Variants in POU2F2 observed in about 807,000 individuals in gnomAD.
The protein encoded by POU2F2 is POU class 2 homeobox 2, also known as POU domain, class 2, transcription factor 2.
POU2F2 carries 14 observed loss-of-function variants against 63.5 expected under a neutral mutation model. The observed-to-expected ratio is 0.22, with a 90% CI of 0.15 to 0.34. The LOEUF (loss-of-function observed/expected upper bound fraction) is 0.34. POU2F2 is among the 10% of genes least tolerant of loss of function. The probability of loss-of-function intolerance (pLI) is 1.00; values close to 1 mark genes in which losing one functional copy is unlikely to be tolerated. For synonymous variants in POU2F2, 306 were observed against 348.6 expected (o/e 0.88, Z 1.36); for missense variants, 607 against 815.2 (o/e 0.74, Z 3.11).
At chr19:42,145,815 T>A (rs1408744889) in intron 2 of POU2F2, among the ~76,000 whole-genome samples, 2 of 152,040 alleles carry the variant, frequency 1.3e-5, no homozygotes, top group African/African-American at 4.8e-5. Context: ...ACACCTGTAA[T>A]CCCAGCTACT....
chr19:42,190,907 T>C (rs1599734619), intron 1 of POU2F2, among the ~76,000 whole-genome samples: 1 of 151,986 alleles, frequency 6.6e-6, no homozygotes, highest in Non-Finnish European at 1.5e-5. Context: ...TCTGGTTAAG[T>C]GTGTAACCTG....
At position 42,169,168 on chromosome 19, in the gene POU2F2, G is replaced by A. The variant is rs2034708044; in HGVS notation, c.-70+6795C>T. On this transcript the variant is annotated intron_variant, in intron 1 of 6. Transcript: ENST00000524801. The surrounding 1 kb of genome is among the most constrained non-coding windows in gnomAD (Gnocchi z 4.3). ...TTAGGGGGATGAGGCTAGCCTGGGG[G>A]GTGTTTGTGTGCTATAACTCAGGGC... is the stretch of plus-strand genomic sequence containing the variant. Among the ~76,000 whole-genome samples, 1 of 152,124 alleles carries A rather than the reference G, an allele frequency of 6.6e-6. No individual in the cohort carries two copies. The highest frequency in any genetic ancestry group is 2.1e-4 in the South Asian group (1 of 4,832).
At chr19:42,145,205 G>C (rs2034206041) in intron 2 of POU2F2, among the ~76,000 whole-genome samples, 1 of 152,186 alleles carries the variant, frequency 6.6e-6, no homozygotes, top group Non-Finnish European at 1.5e-5. Context: ...TTTTATTGTT[G>C]TCATTGCTAA....
intron 1 of POU2F2, among the ~76,000 whole-genome samples, chr19:42,189,332 G>A (rs1381228067): frequency 6.6e-6 from 1 of 152,182 alleles, no homozygotes; most frequent in African/African-American, 2.4e-5. Flanking sequence ...CAAGACTCAA[G>A]CTGCACCAGT....
In POU2F2 at chr19:42,086,507, G is replaced by A. The variant is rs530435355; in HGVS notation, c.*4750C>T. On this transcript the variant is annotated 3_prime_UTR_variant, in exon 15 of 15. Transcript: ENST00000692977. ...TGGTGAAAGACACCCACACCAGAAT[G>A]GGCTGCGCCAATCAGGTCTTTACCA... 6.6e-6 allele frequency: 1 copy of A among 152,262 alleles called. No homozygotes were observed. The highest frequency in any genetic ancestry group is 2.1e-4 in the South Asian group (1 of 4,820). The allele number at this position is 152,262 out of a possible 1,614,324, so 9.4% of individuals were successfully genotyped here. A position where few individuals can be genotyped will look rare whatever the true frequency, so the allele number is the denominator to read the frequency against.
intron 4 of POU2F2, among the ~76,000 whole-genome samples, chr19:42,120,587 C>A (rs1442654264): frequency 6.6e-6 from 1 of 152,138 alleles, no homozygotes; most frequent in East Asian, 1.9e-4. Flanking sequence ...GAGGTTTAGA[C>A]CCTTCGGCAC....
At chr19:42,118,550 A>G (rs1362412040) in intron 4 of POU2F2, among the ~76,000 whole-genome samples, 1 of 152,278 alleles carries the variant, frequency 6.6e-6, no homozygotes, top group Non-Finnish European at 1.5e-5. Flanking sequence ...ACCAGGCTTC[A>G]GCCTCCGCTC....
At chr19:42,099,967 G>T (rs996092913) in intron 5 of POU2F2, 146 bp from the exon 6 acceptor site, 5 of 672,288 alleles carry the variant, frequency 7.4e-6, no homozygotes, top group Non-Finnish European at 1.3e-5. Context: ...TCGTCCACTC[G>T]GTCTCTGAAT....
At chr19:42,144,475 C>A (rs548346619) in intron 2 of POU2F2, among the ~76,000 whole-genome samples, 31 of 152,364 alleles carry the variant, frequency 2.0e-4, no homozygotes, top group African/African-American at 7.2e-4. Context: ...TGGGCAAGCG[C>A]CTCTTCCACA....
In POU2F2 at chr19:42,169,511, G is replaced by A. The variant is rs1270174588; in HGVS notation, c.-70+6452C>T. Among the ~76,000 whole-genome samples, 1 of 152,118 alleles carries A rather than the reference G, an allele frequency of 6.6e-6. No homozygotes were observed. The highest frequency in any genetic ancestry group is 6.5e-5 in the Admixed American group (1 of 15,274). ...TGGACAAATATACAAACGTCTATGTGCATCTGCAGGGTTTAGCATCTATGA... is the reference window on the plus strand; with the variant it reads ...TGGACAAATATACAAACGTCTATGTACATCTGCAGGGTTTAGCATCTATGA... On this transcript the variant is annotated intron_variant, in intron 1 of 6. Transcript: ENST00000524801. The surrounding 1 kb of genome is among the most constrained non-coding windows in gnomAD (Gnocchi z 4.3).
intron 1 of POU2F2, among the ~76,000 whole-genome samples, chr19:42,165,363 G>A (rs1466474841): frequency 6.6e-6 from 1 of 152,218 alleles, no homozygotes; most frequent in Non-Finnish European, 1.5e-5. Context: ...GAAACTGGCT[G>A]AGGGCTTACA....
intron 1 of POU2F2, among the ~76,000 whole-genome samples, chr19:42,167,129 G>A (rs2034668222): frequency 6.6e-6 from 1 of 152,122 alleles, no homozygotes; most frequent in Non-Finnish European, 1.5e-5. Context: ...GACCTAAGAA[G>A]GAAAATAAAG....
At chr19:42,122,629 C>G (rs1460149701) in intron 1 of POU2F2, 53 bp from the exon 2 acceptor site, 1 of 1,435,530 alleles carries the variant, frequency 7.0e-7, no homozygotes, top group African/African-American at 1.4e-5. Context: ...TCCAGGAGGG[C>G]TCTCGGGCCC....
chr19:42,100,552 C>T (rs543636747), intron 5 of POU2F2, among the ~76,000 whole-genome samples: 1 of 151,856 alleles, frequency 6.6e-6, no homozygotes, highest in Admixed American at 6.5e-5. Flanking sequence ...AGGCGTTTAA[C>T]ACCAGCCTGG....
intron 5 of POU2F2, 109 bp from the exon 6 acceptor site, chr19:42,099,930 G>A (rs532063001): frequency 1.2e-6 from 1 of 846,890 alleles, no homozygotes; most frequent in East Asian, 2.7e-5. Flanking sequence ...TGCTCCACAT[G>A]GCGATCTGGC....
At position 42,095,366 on chromosome 19, in the gene POU2F2, T is replaced by G. The variant is rs1407320665; in HGVS notation, c.1117A>C (p.Lys373Gln). The G allele has an allele frequency of 6.2e-7, 1 of 1,613,914 alleles. No individual in the cohort carries two copies. The highest frequency in any genetic ancestry group is 1.3e-5 in the African/African-American group (1 of 74,910). The change falls in exon 11 of 15, where the codon AAG becomes CAG. Residue 373 changes from lysine (K) to glutamine (Q), a missense_variant. Lys to Gln is a moderately conservative substitution (Grantham distance 53). Transcript: ENST00000692977. The surrounding 1 kb of genome is among the most constrained non-coding windows in gnomAD (Gnocchi z 7.1). ...CTGCAGGGGTTGATGCGTTTCTCCT[T>G]CTGGCGCCGGTTGCAGAACCAGACG... ...IRVWFCNRRQ[K>Q]EKRINPCSAA... is the part of the protein sequence containing the mutation.
intron 4 of POU2F2, 89 bp downstream of exon 4, chr19:42,122,037 G>T: frequency 7.5e-7 from 1 of 1,342,226 alleles, no homozygotes. Context: ...AAGGCTCAGT[G>T]CTCTCTCAGC....
chr19:42,143,671 C>T (rs531594246), intron 2 of POU2F2, among the ~76,000 whole-genome samples: 1 of 152,194 alleles, frequency 6.6e-6, no homozygotes, highest in Non-Finnish European at 1.5e-5. Context: ...CTCCCCACCC[C>T]CTTCACTCAC....
At chr19:42,116,826 CGAGGAGGAGGCA>C (rs943477370) in intron 5 of POU2F2, 5 of 390,216 alleles carry the variant, frequency 1.3e-5, no homozygotes, top group African/African-American at 6.4e-5. Flanking sequence ...GCTGTGAGGT[CGAGGAGGAGGCA>C]GAGGAGGAGG....
Sources: gnomAD v4.1 joint callset for allele counts (sites outside exome capture counted in the v4.1 genomes callset) on GRCh38, gnomAD v4.1.1 for gene constraint, Gnocchi (gnomAD v3.1) non-coding constraint, MANE v1.5 for transcripts, NCBI Gene and HGNC (gene_info 2026-07-23, HGNC 2026-07-21) for gene names.